NLRP5: variants seen among roughly 807,000 people sequenced by gnomAD.
NLRP5 encodes the protein NLR family pyrin domain containing 5, also known as NACHT, LRR and PYD domains-containing protein 5.
NLRP5 carries 93 observed loss-of-function variants against 113.1 expected under a neutral mutation model. The ratio of observed to expected loss-of-function variants is 0.82; its 90% CI spans 0.70 to 0.98. The LOEUF is 0.98. NLRP5 is among the 50% of genes least tolerant of loss of function. NLRP5 has a pLI of 0.00. For missense variants in NLRP5, 1,808 were observed against 1,514.3 expected (o/e 1.19, Z -3.22); for synonymous variants, 751 against 600.7 (o/e 1.25, Z -3.66).
At position 56,028,520 on chromosome 19, in the gene NLRP5, C is replaced by T. The variant is rs373720211; in HGVS notation, c.2276+11C>T. ...TGTGGTCCCTCTATGGTGAGTACCCCAGGCAGTTTTATCCTATGCCGTGTG... is the reference window on the plus strand; with the variant it reads ...TGTGGTCCCTCTATGGTGAGTACCCTAGGCAGTTTTATCCTATGCCGTGTG... On this transcript the variant is annotated intron_variant, in intron 7 of 14. Coordinates refer to ENST00000390649, the MANE Select transcript of NLRP5 (RefSeq NM_153447.4). 59 of 1,608,422 alleles carry T rather than the reference C, an allele frequency of 3.7e-5. No individual in the cohort carries two copies. The highest frequency in any genetic ancestry group is 4.7e-5 in the Non-Finnish European group (55 of 1,177,270).
chr19:55,999,022 T>G (rs1289678475), upstream of NLRP5, among the ~76,000 whole-genome samples: 1 of 151,734 alleles, frequency 6.6e-6, no homozygotes, highest in African/African-American at 2.4e-5. Flanking sequence ...CTAGTTGCCA[T>G]GCTGTGCAGG....
chr19:56,005,653 T>C (rs1981881035), intron 2 of NLRP5, among the ~76,000 whole-genome samples: 1 of 148,692 alleles, frequency 6.7e-6, no homozygotes, highest in African/African-American at 2.5e-5. Context: ...CGCGCGCAGG[T>C]GGCATGCCTG....
intron 11 of NLRP5, among the ~76,000 whole-genome samples, chr19:56,042,460 T>G (rs1048141844): frequency 3.3e-5 from 5 of 152,192 alleles, no homozygotes; most frequent in African/African-American, 1.2e-4. Flanking sequence ...GCGATTCTCC[T>G]GCTTCAGCCT....
chr19:56,010,511 G>A lies in NLRP5; in HGVS notation c.508+1658G>A, dbSNP rs574014803. 7.2e-4 allele frequency among the ~76,000 whole-genome samples: 109 copies of A among 151,958 alleles called. 1 individual carries two copies. Among genetic ancestry groups the A allele is most frequent in the Middle Eastern group, 3.4e-3 (1 of 294 alleles). On this transcript the variant is annotated intron_variant, in intron 3 of 14. Coordinates refer to ENST00000390649, the MANE Select transcript of NLRP5 (RefSeq NM_153447.4). ...TGTAATCCCAGCACTTTGGGAGGCC[G>A]AGGTGGGTGGATCACCTGAGGTCGG...
intron 11 of NLRP5, among the ~76,000 whole-genome samples, chr19:56,048,166 C>A (rs1312722569): frequency 6.6e-6 from 1 of 152,082 alleles, no homozygotes; most frequent in Admixed American, 6.6e-5. Flanking sequence ...GTTTTTTATT[C>A]TGCATTCTGT....
the NLRP5 span, chr19:55,988,725 G>C: frequency 0.69 from 104,909 of 151,702 alleles, 36,464 homozygotes; most frequent in African/African-American, 0.77. Context: ...GGATTGTGTA[G>C]AGCGGTAAGG....
chr19:56,037,882 G>A (rs1021735391), intron 9 of NLRP5, 143 bp from the exon 10 acceptor site: 9 of 760,058 alleles, frequency 1.2e-5, no homozygotes, highest in Admixed American at 5.6e-5. Flanking sequence ...GGAAGGAACA[G>A]CAACTTCTCA....
chr19:56,031,496 T>A (rs1490792457), intron 7 of NLRP5, among the ~76,000 whole-genome samples: 2 of 151,912 alleles, frequency 1.3e-5, no homozygotes, highest in Non-Finnish European at 2.9e-5. Flanking sequence ...CCAGGCATGG[T>A]GGTGGGCACC....
chr19:56,021,108 GAT>G (rs1982600095), intron 6 of NLRP5, among the ~76,000 whole-genome samples: 4 of 152,176 alleles, frequency 2.6e-5, no homozygotes, highest in South Asian at 2.1e-4. Flanking sequence ...CTGATCTCGT[GAT>G]CTGCCCACCT....
chr19:56,027,894 A>T lies in NLRP5; in HGVS notation c.1661A>T (p.Gln554Leu). Residue 554 changes from glutamine (Q) to leucine (L), a missense_variant, in exon 7 of 15, where the codon CAA (glutamine) becomes CTA (leucine). Physicochemically the swap from Gln to Leu is moderately radical, Grantham distance 113. Coordinates refer to ENST00000390649, the MANE Select transcript of NLRP5 (RefSeq NM_153447.4). ...TTTGACGGTGACGACCTCATGGTTC[A>T]AGGACTCGGGGAGTCTGAGCTCCGT... is the stretch of plus-strand genomic sequence containing the variant. 1 of 1,613,910 alleles carries T rather than the reference A, an allele frequency of 6.2e-7. No homozygotes were observed. The highest frequency in any genetic ancestry group is 1.1e-5 in the South Asian group (1 of 91,052).
At chr19:55,997,854 C>T (rs573119955), upstream of NLRP5, among the ~76,000 whole-genome samples, 33 of 114,470 alleles carry the variant, frequency 2.9e-4, no homozygotes, top group African/African-American at 1.5e-3. Flanking sequence ...CAGAGCAACA[C>T]TCTATCTCAA....
the NLRP5 span, among the ~76,000 whole-genome samples, chr19:55,990,072 CTTTT>C: frequency 2.6e-5 from 2 of 76,482 alleles, no homozygotes; most frequent in Non-Finnish European, 4.9e-5. Flanking sequence ...TCTTTTTTTT[CTTTT>C]TTCTTTTTTT....
intron 12 of NLRP5, among the ~76,000 whole-genome samples, chr19:56,052,863 T>G (rs1983982215): frequency 6.6e-6 from 1 of 152,198 alleles, no homozygotes; most frequent in Admixed American, 6.5e-5. Context: ...ATCTTTCCAG[T>G]TTCTCCTCCT....
At chr19:56,054,282 G>C (rs1984043919) in intron 13 of NLRP5, among the ~76,000 whole-genome samples, 1 of 152,186 alleles carries the variant, frequency 6.6e-6, no homozygotes, top group Admixed American at 6.5e-5. Flanking sequence ...CTGAGGCTGG[G>C]CACAGGGGCT....
In NLRP5 at chr19:56,027,278, G is replaced by A. The variant is rs944987587; in HGVS notation, c.1045G>A (p.Glu349Lys). 4.3e-6 allele frequency: 7 copies of A among 1,612,142 alleles called. No individual in the cohort carries two copies. Among genetic ancestry groups the A allele is most frequent in the Non-Finnish European group, 5.1e-6 (6 of 1,179,868 alleles). Reference sequence around the variant, plus strand: ...GCCAGACTCCCAGGCTCCGGTGACGGAGATCATGTCCCGACCAGAAAGGCT... The same window carrying A: ...GCCAGACTCCCAGGCTCCGGTGACGAAGATCATGTCCCGACCAGAAAGGCT... Residue 349 changes from glutamate (E) to lysine (K), a missense_variant, in exon 7 of 15, where the codon GAG becomes AAG. Transcript: ENST00000390649.
chr19:55,993,263 T>C, the NLRP5 span, among the ~76,000 whole-genome samples: 5 of 151,432 alleles, frequency 3.3e-5, no homozygotes, highest in Non-Finnish European at 4.4e-5. Flanking sequence ...TCTAGCTTTT[T>C]GAGAGTGGAC....
intron 13 of NLRP5, among the ~76,000 whole-genome samples, chr19:56,057,007 G>A (rs1984180048): frequency 6.6e-6 from 1 of 151,420 alleles, no homozygotes. Context: ...ATGGTGGCAG[G>A]CGCTTGTAAT....
chr19:56,031,622 G>A (rs939329373), intron 7 of NLRP5, among the ~76,000 whole-genome samples: 7 of 103,860 alleles, frequency 6.7e-5, no homozygotes, highest in East Asian at 6.5e-4. Context: ...TAGAGACTCC[G>A]TCTCCAAAAA....
intron 3 of NLRP5, among the ~76,000 whole-genome samples, chr19:56,011,687 ATG>A (rs1002069620): frequency 2.7e-5 from 4 of 145,700 alleles, no homozygotes; most frequent in African/African-American, 1.0e-4. Context: ...TTCTTTTCCT[ATG>A]TCTTTTTTTT....
Sources: gnomAD v4.1 joint callset for allele counts (sites outside exome capture counted in the v4.1 genomes callset) on GRCh38, gnomAD v4.1.1 for gene constraint, MANE v1.5 for transcripts, NCBI Gene and HGNC (gene_info 2026-07-23, HGNC 2026-07-21) for gene names.